The following IL34 variants were observed in gnomAD, a reference collection of about 807,000 sequenced individuals.
The protein encoded by IL34 is interleukin 34.
In IL34, 17 loss-of-function variants were observed where a neutral mutation model predicts 25.3. That is an observed-to-expected ratio of 0.67 (90% CI 0.46 to 1.01). IL34 has a LOEUF of 1.01. IL34 is among the 50% of genes least tolerant of loss of function. IL34 has a pLI of 0.00. For synonymous variants in IL34, 174 were observed against 140.9 expected, an observed-to-expected ratio of 1.23 and a Z score of -1.66; for missense variants, 368 against 312.9, an observed-to-expected ratio of 1.18 and a Z score of -1.33.
chr16:70,615,863 G>A (rs1178346298), intron 1 of IL34, among the ~76,000 whole-genome samples: 1 of 152,130 alleles, frequency 6.6e-6, no homozygotes, highest in Non-Finnish European at 1.5e-5. Context: ...TGAGGTGGGA[G>A]GATCTCTTGA....
At chr16:70,641,169 G>A (rs2051773402) in intron 1 of IL34, among the ~76,000 whole-genome samples, 1 of 152,108 alleles carries the variant, frequency 6.6e-6, no homozygotes, top group Non-Finnish European at 1.5e-5. Context: ...AGCTGCTTGG[G>A]AGGCTAAGCA....
intron 1 of IL34, among the ~76,000 whole-genome samples, chr16:70,607,499 T>C (rs141403084): frequency 2.0e-5 from 3 of 152,324 alleles, no homozygotes; most frequent in African/African-American, 4.8e-5. Context: ...TCTGGCCTGA[T>C]TGCACTGGCT....
intron 1 of IL34, among the ~76,000 whole-genome samples, chr16:70,635,436 C>G (rs1378766950): frequency 3.3e-5 from 5 of 152,216 alleles, no homozygotes; most frequent in Non-Finnish European, 7.3e-5. Context: ...GTTGGAGGCC[C>G]TTTGTCTACT....
intron 1 of IL34, among the ~76,000 whole-genome samples, chr16:70,629,483 C>T (rs750624334): frequency 1.5e-4 from 23 of 152,248 alleles, no homozygotes; most frequent in African/African-American, 4.3e-4. Flanking sequence ...AATCCATGGA[C>T]GCTCAGGTCC....
intron 1 of IL34, among the ~76,000 whole-genome samples, chr16:70,595,747 C>T (rs1335837728): frequency 6.6e-6 from 1 of 151,712 alleles, no homozygotes; most frequent in East Asian, 1.9e-4. Context: ...CGTGGTGGCT[C>T]ATGCCTGTAA....
rs551909363 is a variant in IL34 at position 70,638,997 on chromosome 16, C to A, written c.-400-7551C>A. ...CAGGGGTGTTGTGGTAGACACCTGG[C>A]TCTTAGTTAGGAAATGCTGACTAAG... On this transcript the variant is annotated intron_variant, in intron 1 of 6. Coordinates refer to the IL34 transcript ENST00000429149. Among the ~76,000 whole-genome samples the A allele has an allele frequency of 4.6e-5, 7 of 152,338 alleles. No homozygotes were observed. In the South Asian group the frequency reaches 8.3e-4, roughly 18 times the overall value.
intron 1 of IL34, among the ~76,000 whole-genome samples, chr16:70,606,919 G>A (rs1443740682): frequency 6.6e-6 from 1 of 152,064 alleles, no homozygotes; most frequent in Non-Finnish European, 1.5e-5. Context: ...GTATTCTGTT[G>A]TATGGACATA....
chr16:70,581,709 G>A (rs985558085), intron 1 of IL34, among the ~76,000 whole-genome samples: 1 of 152,168 alleles, frequency 6.6e-6, no homozygotes, highest in African/African-American at 2.4e-5. Context: ...GGGTTTGTAT[G>A]CAGTAGCTGC....
chr16:70,600,881 T>C (rs1287739354), intron 1 of IL34, among the ~76,000 whole-genome samples: 1 of 150,366 alleles, frequency 6.7e-6, no homozygotes, highest in Non-Finnish European at 1.5e-5. Context: ...AAGTAGGGGA[T>C]GCTGGGAGAA....
intron 1 of IL34, among the ~76,000 whole-genome samples, chr16:70,592,168 T>G (rs1011086579): frequency 2.7e-5 from 4 of 149,992 alleles, no homozygotes; most frequent in Admixed American, 6.7e-5. Context: ...CAGGCCCCAC[T>G]AAAGCCATAC....
At chr16:70,621,592 C>T (rs180849925) in intron 1 of IL34, among the ~76,000 whole-genome samples, 17 of 152,150 alleles carry the variant, frequency 1.1e-4, no homozygotes, top group African/African-American at 3.6e-4. Flanking sequence ...TCCCCCGATC[C>T]GAGTCATGGC....
chr16:70,619,982 G>A (rs899277712), intron 1 of IL34, among the ~76,000 whole-genome samples: 17 of 152,000 alleles, frequency 1.1e-4, no homozygotes, highest in Admixed American at 3.9e-4. Context: ...CGGTTCAGGA[G>A]TTTGGAAGTT....
intron 1 of IL34, among the ~76,000 whole-genome samples, chr16:70,649,353 G>A (rs1170524544): frequency 1.3e-5 from 2 of 152,190 alleles, no homozygotes; most frequent in Non-Finnish European, 2.9e-5. Context: ...TAGGGAAGGG[G>A]TAGTAACTTT....
At position 70,654,632 on chromosome 16, in the gene IL34, G is replaced by A. The variant is rs573898226; in HGVS notation, c.123G>A (p.Leu41=). ...AGGAGTGCACTGTCACGGGTTTTCT[G>A]CGGGACAAGCTGCAGTACAGGAGCC... ...QNEECTVTGF[L]RDKLQYRSRL... is the part of the protein sequence containing the mutation. The change falls in exon 2 of 6, where the codon CTG becomes CTA. Residue 41 remains leucine, a synonymous_variant. Transcript: ENST00000288098. 2.4e-5 allele frequency: 39 copies of A among 1,613,246 alleles called. No homozygotes were observed. The South Asian group carries it at 4.0e-4, about 16-fold the overall frequency.
intron 4 of IL34, among the ~76,000 whole-genome samples, chr16:70,657,538 A>T (rs2052263991): frequency 6.6e-6 from 1 of 152,122 alleles, no homozygotes; most frequent in African/African-American, 2.4e-5. Context: ...TCATGCCTGT[A>T]ATCCCAGCAC....
intron 1 of IL34, among the ~76,000 whole-genome samples, chr16:70,599,281 C>CTT (rs1445428803): frequency 1.7e-5 from 2 of 117,302 alleles, no homozygotes; most frequent in South Asian, 3.6e-4. Context: ...TTCTTTCTTT[C>CTT]TTTCTTTCTT....
At chr16:70,603,350 G>T (rs996158409) in intron 1 of IL34, among the ~76,000 whole-genome samples, 1 of 152,220 alleles carries the variant, frequency 6.6e-6, no homozygotes, top group Admixed American at 6.5e-5. Flanking sequence ...TGCGATCTCG[G>T]CTCACCGCAA....
At chr16:70,629,499 G>A (rs935152893) in intron 1 of IL34, among the ~76,000 whole-genome samples, 1 of 152,126 alleles carries the variant, frequency 6.6e-6, no homozygotes, top group Admixed American at 6.5e-5. Context: ...GGTCCCTTAT[G>A]TAAAATGGCA....
chr16:70,592,756 G>A (rs2050770950), intron 1 of IL34, among the ~76,000 whole-genome samples: 1 of 152,126 alleles, frequency 6.6e-6, no homozygotes, highest in African/African-American at 2.4e-5. Context: ...CTGGGTGCAA[G>A]CGATTCTCCT....
Sources: allele counts gnomAD v4.1 joint callset (sites outside exome capture counted in the v4.1 genomes callset), GRCh38; gene constraint gnomAD v4.1.1; transcripts MANE v1.5; gene names NCBI Gene and HGNC (gene_info 2026-07-23, HGNC 2026-07-21).